RARB: variants seen among roughly 807,000 people sequenced by gnomAD.
The protein encoded by RARB is retinoic acid receptor beta.
In RARB, 17 loss-of-function variants were observed where a neutral mutation model predicts 51.9. The ratio of observed to expected loss-of-function variants is 0.33; its 90% confidence interval spans 0.22 to 0.49. The LOEUF (loss-of-function observed/expected upper bound fraction) is 0.49. Ranked by LOEUF, RARB falls within the 20% of genes least tolerant of loss-of-function variation. The pLI, the probability that RARB is intolerant of heterozygous loss-of-function variation, is 0.99. For synonymous variants in RARB, 215 were observed against 195.4 expected, an observed-to-expected ratio of 1.10 and a Z score of -0.84; for missense variants, 369 against 550.8, an observed-to-expected ratio of 0.67 and a Z score of 3.30.
chr3:25,131,364 G>A (rs959736255), intron 3 of RARB, among the ~76,000 whole-genome samples: 5 of 151,950 alleles, frequency 3.3e-5, no homozygotes, highest in Non-Finnish European at 7.4e-5. Flanking sequence ...TGCAGATATC[G>A]CACTAGAAAT....
At chr3:25,079,818 G>T (rs1698955610) in intron 3 of RARB, among the ~76,000 whole-genome samples, 1 of 152,154 alleles carries the variant, frequency 6.6e-6, no homozygotes, top group South Asian at 2.1e-4. Context: ...CATGAGGGAT[G>T]TTAGTCTAAA....
chr3:25,110,520 AT>A (rs1289618252), intron 3 of RARB, among the ~76,000 whole-genome samples: 1 of 152,160 alleles, frequency 6.6e-6, no homozygotes, highest in Non-Finnish European at 1.5e-5. Flanking sequence ...TTTAGAGCAA[AT>A]TTTGTTTTAA....
At chr3:25,413,647 CTTGTTTTTTGTTTT>C (rs373691891) in intron 5 of RARB, among the ~76,000 whole-genome samples, 20 of 151,500 alleles carry the variant, frequency 1.3e-4, no homozygotes, top group African/African-American at 4.6e-4. Flanking sequence ...CCCTTGGTAT[CTTGTTTTTTGTTTT>C]TTGTTTTTTG....
At chr3:24,940,030 A>T (rs901304656) in intron 2 of RARB, among the ~76,000 whole-genome samples, 1 of 152,228 alleles carries the variant, frequency 6.6e-6, no homozygotes, top group Non-Finnish European at 1.5e-5. Flanking sequence ...CTTTAATGTT[A>T]TTATGTAAAT....
At chr3:25,171,532 C>CTCTCAA (rs1294501791) in intron 4 of RARB, among the ~76,000 whole-genome samples, 2 of 126,306 alleles carry the variant, frequency 1.6e-5, no homozygotes, top group East Asian at 4.8e-4. Flanking sequence ...GATACCAGAC[C>CTCTCAA]TCTCAACCAG....
chr3:25,592,652 G>A (rs1014153615), intron 5 of RARB, among the ~76,000 whole-genome samples: 2 of 152,304 alleles, frequency 1.3e-5, no homozygotes, highest in South Asian at 2.1e-4. Flanking sequence ...AGTAGCTAGC[G>A]CCCCAGGGGG....
chr3:25,319,472 C>T (rs1704509506), intron 5 of RARB, among the ~76,000 whole-genome samples: 1 of 152,158 alleles, frequency 6.6e-6, no homozygotes, highest in Non-Finnish European at 1.5e-5. Context: ...CATCAATTCT[C>T]CTTCTCAACA....
intron 1 of RARB, among the ~76,000 whole-genome samples, chr3:25,449,911 A>G (rs1331499439): frequency 6.7e-6 from 1 of 149,558 alleles, no homozygotes; most frequent in African/African-American, 2.5e-5. Flanking sequence ...GCCACCACAA[A>G]TTTTTTTTGT....
At chr3:25,117,320 C>T (rs2125327695) in intron 3 of RARB, among the ~76,000 whole-genome samples, 1 of 152,230 alleles carries the variant, frequency 6.6e-6, no homozygotes, top group South Asian at 2.1e-4. Context: ...AAGAGAGGAA[C>T]ATTTAAATTG....
intron 5 of RARB, among the ~76,000 whole-genome samples, chr3:25,320,158 C>T (rs946910272): frequency 2.0e-5 from 3 of 152,068 alleles, no homozygotes; most frequent in African/African-American, 7.2e-5. Flanking sequence ...TCCCCATACC[C>T]ACTTCCTCAT....
chr3:25,379,695 G>A (rs1004834516), intron 5 of RARB, among the ~76,000 whole-genome samples: 1 of 152,198 alleles, frequency 6.6e-6, no homozygotes, highest in African/African-American at 2.4e-5. Flanking sequence ...GGAGATTACA[G>A]TCAAATAGAG....
At chr3:25,531,000 A>G (rs1345146549) in intron 3 of RARB, among the ~76,000 whole-genome samples, 2 of 152,192 alleles carry the variant, frequency 1.3e-5, no homozygotes, top group Non-Finnish European at 2.9e-5. Flanking sequence ...GTTTTTGTTT[A>G]GTTTGTGTGT....
intron 5 of RARB, among the ~76,000 whole-genome samples, chr3:25,181,470 G>A (rs1700859608): frequency 6.6e-6 from 1 of 152,166 alleles, no homozygotes; most frequent in South Asian, 2.1e-4. Flanking sequence ...TTGGAAATTT[G>A]TAGATGTGCT....
At chr3:25,407,723 C>T (rs946151033) in intron 5 of RARB, among the ~76,000 whole-genome samples, 10 of 150,996 alleles carry the variant, frequency 6.6e-5, no homozygotes, top group African/African-American at 2.4e-4. Context: ...CCAAAGGCTG[C>T]TTACTGTGAA....
chr3:25,115,685 C>T (rs1051822818), intron 3 of RARB, among the ~76,000 whole-genome samples: 3 of 148,928 alleles, frequency 2.0e-5, no homozygotes, highest in African/African-American at 7.4e-5. Context: ...TCTTTCCTTT[C>T]AAGTCTCACT....
chr3:24,883,477 A>G (rs1703211788), intron 2 of RARB, among the ~76,000 whole-genome samples: 2 of 152,056 alleles, frequency 1.3e-5, no homozygotes, highest in Admixed American at 1.3e-4. Context: ...TATAAAGTAA[A>G]GGAATCAAGA....
At position 25,028,664 on chromosome 3, in the gene RARB, G is replaced by A. The variant is rs1392593161; in HGVS notation, c.-379-31461G>A. ...GTGTGAGGATAAAGGGTGTTTGTGG[G>A]AGAGGAAACCTGGTTTACCGGGAGA... On this transcript the variant is annotated intron_variant, in intron 2 of 11. Transcript: ENST00000383772. 2.6e-5 allele frequency among the ~76,000 whole-genome samples: 4 copies of A among 152,278 alleles called. No individual in the cohort carries two copies. The South Asian group carries it at 8.3e-4, about 32-fold the overall frequency.
intron 1 of RARB, among the ~76,000 whole-genome samples, chr3:25,460,170 C>T (rs574469595): frequency 6.6e-6 from 1 of 152,154 alleles, no homozygotes; most frequent in African/African-American, 2.4e-5. Context: ...TACATTTAGT[C>T]ATCTGGGGAT....
At chr3:24,834,072 A>T (rs1382795451) in intron 1 of RARB, among the ~76,000 whole-genome samples, 5 of 152,244 alleles carry the variant, frequency 3.3e-5, no homozygotes, top group African/African-American at 1.2e-4. Context: ...GAGGTTGAAC[A>T]TCAATTAAGA....
Sources: gnomAD v4.1 joint callset for allele counts (sites outside exome capture counted in the v4.1 genomes callset) on GRCh38, gnomAD v4.1.1 for gene constraint, MANE v1.5 for transcripts, NCBI Gene and HGNC (gene_info 2026-07-23, HGNC 2026-07-21) for gene names.